Variants in EPSTI1 observed in about 807,000 individuals in gnomAD.
EPSTI1 encodes epithelial stromal interaction 1.
In EPSTI1, 66 loss-of-function variants were observed where a neutral mutation model predicts 49.9. The ratio of observed to expected loss-of-function variants is 1.32; its 90% CI spans 1.08 to 1.62. The LOEUF (loss-of-function observed/expected upper bound fraction) is 1.62, where lower values mean the gene tolerates loss of function less well. Ranked by LOEUF, EPSTI1 falls within the 40% of genes most tolerant of loss-of-function variation. The pLI is 0.00. For synonymous variants in EPSTI1, 137 were observed against 130.7 expected (o/e 1.05, Z -0.33); for missense variants, 394 against 365.5 (o/e 1.08, Z -0.64).
At chr13:42,892,986 G>A (rs1245842126) in intron 10 of EPSTI1, among the ~76,000 whole-genome samples, 4 of 152,162 alleles carry the variant, frequency 2.6e-5, no homozygotes, top group Non-Finnish European at 4.4e-5. Context: ...AAAGAATGGC[G>A]ATCAGTCAAA....
In EPSTI1 at chr13:42,963,875, T is replaced by G. The variant is rs993493799; in HGVS notation, c.405+191A>C. 6.6e-5 allele frequency among the ~76,000 whole-genome samples: 10 copies of G among 152,218 alleles called. No homozygotes were observed. In the East Asian group the frequency reaches 1.9e-3, roughly 29 times the overall value. On this transcript the variant is annotated intron_variant, in intron 4 of 10. Coordinates refer to ENST00000313624, the MANE Select transcript of EPSTI1 (RefSeq NM_033255.5). ...GGGTCATGCTGAGTGATAAAGGGCT[T>G]AGGTAGGAATTGAAGGTATCCATCT... is the stretch of plus-strand genomic sequence containing the variant.
chr13:42,975,949 G>C (rs1423495913), intron 1 of EPSTI1, among the ~76,000 whole-genome samples: 1 of 152,166 alleles, frequency 6.6e-6, no homozygotes, highest in Non-Finnish European at 1.5e-5. Flanking sequence ...GAGACCAACT[G>C]GTAGGTATAC....
chr13:42,963,169 T>A lies in EPSTI1; in HGVS notation c.489+86A>T, dbSNP rs2039507601. Reference sequence around the variant, plus strand: ...AGAGAGAGAGAGAAAGATGGATAAATTTTTAAAGTTACTATAATAAAAATC... The same window carrying A: ...AGAGAGAGAGAGAAAGATGGATAAAATTTTAAAGTTACTATAATAAAAATC... On this transcript the variant is annotated intron_variant, in intron 5 of 10. Transcript: ENST00000313624. The A allele has an allele frequency of 3.6e-6, 4 of 1,098,474 alleles. No individual in the cohort carries two copies. The South Asian group carries it at 5.4e-5, about 15-fold the overall frequency. 68.0% of individuals were successfully genotyped at this position (1,098,474 alleles called of 1,614,324 possible). A position where few individuals can be genotyped will look rare whatever the true frequency, so the allele number is the denominator to read the frequency against.
intron 5 of EPSTI1, among the ~76,000 whole-genome samples, chr13:42,960,245 A>C (rs948686866): frequency 6.6e-6 from 1 of 152,208 alleles, no homozygotes; most frequent in African/African-American, 2.4e-5. Flanking sequence ...ATGGAGTTAG[A>C]AGATTTTCAT....
In EPSTI1 at chr13:42,926,375, G is replaced by A. The variant is rs1269803523; in HGVS notation, c.618C>T (p.Ala206=). 6.2e-7 allele frequency: 1 copy of A among 1,613,494 alleles called. No homozygotes were observed. Among genetic ancestry groups the A allele is most frequent in the Non-Finnish European group, 8.5e-7 (1 of 1,179,516 alleles). ...KLNTESPDRS[A]CQSAVCGPQS... Reference sequence around the variant, plus strand: ...GTGGGCCACAAACAGCACTTTGACAGGCACTTCTGTCTGGCGATTCTGTGT... The same window carrying A: ...GTGGGCCACAAACAGCACTTTGACAAGCACTTCTGTCTGGCGATTCTGTGT... Residue 206 remains alanine, a synonymous_variant, in exon 7 of 11, where the codon GCC becomes GCT. Coordinates refer to ENST00000313624, the MANE Select transcript of EPSTI1 (RefSeq NM_033255.5).
chr13:42,889,252 TAA>T, intron 10 of EPSTI1: 1 of 1,506,024 alleles, frequency 6.6e-7, no homozygotes, highest in Non-Finnish European at 8.9e-7. Flanking sequence ...CCTAGAAAAA[TAA>T]AAAAATATAT....
intron 6 of EPSTI1, among the ~76,000 whole-genome samples, chr13:42,947,633 C>G (rs768690178): frequency 6.6e-5 from 10 of 152,092 alleles, no homozygotes; most frequent in African/African-American, 2.4e-4. Flanking sequence ...TTGGCAAAAC[C>G]TATCTACATC....
At chr13:42,919,463 C>T (rs1192627253) in intron 7 of EPSTI1, 2 of 817,084 alleles carry the variant, frequency 2.4e-6, no homozygotes, top group Non-Finnish European at 2.0e-6. Context: ...AATACCAATG[C>T]TATATTTTAT....
In EPSTI1 at chr13:42,977,285, G is replaced by C. The variant is rs545737202; in HGVS notation, c.189-6615C>G. On this transcript the variant is annotated intron_variant, in intron 1 of 10. Transcript: ENST00000313624. Reference sequence around the variant, plus strand: ...CATCCTTTATTCTTTAACCAAAAGAGATGTAGGCCCTACCCAACATTCACT... The same window carrying C: ...CATCCTTTATTCTTTAACCAAAAGACATGTAGGCCCTACCCAACATTCACT... Among the ~76,000 whole-genome samples, 5 of 152,298 alleles carry C rather than the reference G, an allele frequency of 3.3e-5. No homozygotes were observed. The South Asian group carries it at 1.0e-3, about 32-fold the overall frequency.
At chr13:42,955,884 G>GC (rs1555266324) in intron 5 of EPSTI1, among the ~76,000 whole-genome samples, 3 of 143,340 alleles carry the variant, frequency 2.1e-5, no homozygotes, top group East Asian at 2.2e-4. Flanking sequence ...ATTTGGGGGG[G>GC]GGGGGAAGTA....
At chr13:42,967,936 G>A (rs1300868093) in intron 3 of EPSTI1, among the ~76,000 whole-genome samples, 2 of 152,156 alleles carry the variant, frequency 1.3e-5, no homozygotes, top group Admixed American at 1.3e-4. Flanking sequence ...AAACAGGCCT[G>A]GGTTAGAGCA....
At chr13:42,925,459 A>G (rs1444857240) in intron 7 of EPSTI1, among the ~76,000 whole-genome samples, 4 of 152,018 alleles carry the variant, frequency 2.6e-5, no homozygotes, top group African/African-American at 4.8e-5. Flanking sequence ...GGGCATTTCT[A>G]GATGTCTCAG....
chr13:42,892,974 A>G (rs2037081601), intron 10 of EPSTI1, among the ~76,000 whole-genome samples: 1 of 152,220 alleles, frequency 6.6e-6, no homozygotes. Flanking sequence ...ATTCACCATG[A>G]CAAAGAATGG....
In EPSTI1 at chr13:42,897,099, C is replaced by CAAA. The variant is rs200789783; in HGVS notation, c.816-1994_816-1992dup. Among the ~76,000 whole-genome samples, 156 of 122,000 alleles carry CAAA rather than the reference C, an allele frequency of 1.3e-3. 2 individuals carry two copies. The highest frequency in any genetic ancestry group is 8.8e-3 in the Middle Eastern group (2 of 228). The allele number at this position is 122,000 out of a possible 152,430, so 80.0% of individuals were successfully genotyped here. A position where few individuals can be genotyped will look rare whatever the true frequency, so the allele number is the denominator to read the frequency against. On this transcript the variant is annotated intron_variant, in intron 9 of 10. Coordinates refer to ENST00000313624, the MANE Select transcript of EPSTI1 (RefSeq NM_033255.5). ...TGGGCGACAGAGCAAAACTCTGTCT[C>CAAA]AAAAAAAAAAAAAAAAAATCCCATC...
chr13:42,920,988 T>C (rs1040604979), intron 7 of EPSTI1, among the ~76,000 whole-genome samples: 2 of 151,686 alleles, frequency 1.3e-5, no homozygotes, highest in Admixed American at 6.6e-5. Flanking sequence ...TGCCAAAATA[T>C]AGAAAAAAGG....
At chr13:42,986,438 TG>T (rs2040079448) in intron 1 of EPSTI1, among the ~76,000 whole-genome samples, 2 of 151,888 alleles carry the variant, frequency 1.3e-5, no homozygotes, top group Admixed American at 6.6e-5. Flanking sequence ...GCTATGCGAT[TG>T]GGGGGTTAAA....
At chr13:42,935,098 G>C (rs143319731) in intron 6 of EPSTI1, among the ~76,000 whole-genome samples, 2 of 152,152 alleles carry the variant, frequency 1.3e-5, no homozygotes, top group African/African-American at 4.8e-5. Context: ...GGACATTGTT[G>C]TCATGAATAA....
At chr13:42,969,486 AAT>A (rs2039712577) in intron 2 of EPSTI1, 3 of 303,028 alleles carry the variant, frequency 9.9e-6, no homozygotes, top group Non-Finnish European at 1.8e-5. Context: ...ATATCAAGTT[AAT>A]TTTTAAAGTT....
intron 7 of EPSTI1, among the ~76,000 whole-genome samples, chr13:42,918,474 T>G (rs563480457): frequency 6.6e-6 from 1 of 152,336 alleles, no homozygotes; most frequent in South Asian, 2.1e-4. Context: ...TCAGACCTAG[T>G]TCTCAGGACT....
Sources: allele counts gnomAD v4.1 joint callset (sites outside exome capture counted in the v4.1 genomes callset), GRCh38; gene constraint gnomAD v4.1.1; transcripts MANE v1.5; gene names NCBI Gene and HGNC (gene_info 2026-07-23, HGNC 2026-07-21).